The following MACF1 variants were observed in gnomAD, a reference collection of about 807,000 sequenced individuals.
MACF1 encodes microtubule actin crosslinking factor 1, also known as microtubule-actin cross-linking factor 1.
MACF1 carries 193 observed loss-of-function variants against 854.8 expected under a neutral mutation model. That is an observed-to-expected ratio of 0.23 (90% CI 0.20 to 0.25). The LOEUF is 0.25. Ranked by LOEUF, MACF1 falls within the 10% of genes least tolerant of loss-of-function variation. MACF1 has a pLI of 1.00. For synonymous variants in MACF1, 3,185 were observed against 3,226.7 expected (o/e 0.99, Z 0.44); for missense variants, 7,722 against 8,929.1 (o/e 0.86, Z 5.45).
chr1:39,483,829 C>A (rs1645058656), intron 99 of MACF1, among the ~76,000 whole-genome samples: 1 of 152,098 alleles, frequency 6.6e-6, no homozygotes, highest in Non-Finnish European at 1.5e-5. Context: ...ACTAAAAGAT[C>A]TTACTAAAGT....
At chr1:39,463,588 T>C in intron 93 of MACF1, 24 bp from the exon 94 acceptor site, 1 of 1,589,026 alleles carries the variant, frequency 6.3e-7, no homozygotes, top group Non-Finnish European at 8.6e-7. Context: ...CCTTTACACT[T>C]TCCTTTTTGT....
chr1:39,360,985 C>A lies in MACF1; in HGVS notation c.12437C>A (p.Ala4146Asp). The A allele has an allele frequency of 6.2e-7, 1 of 1,613,990 alleles. No individual in the cohort carries two copies. Among genetic ancestry groups the A allele is most frequent in the Non-Finnish European group, 8.5e-7 (1 of 1,179,928 alleles). The change falls in exon 48 of 101, where the codon GCC (alanine) becomes GAC (aspartate). Residue 4146 changes from alanine to aspartate, a missense_variant. Coordinates refer to ENST00000564288, the MANE Select transcript of MACF1 (RefSeq NM_001394062.1). ...SSLSSGVIQE[A>D]LATNMKLKQD... ...CTCTCATCAGGAGTCATCCAGGAAG[C>A]CTTAGCCACAAATATGGTAAGATCT...
intron 51 of MACF1, among the ~76,000 whole-genome samples, chr1:39,371,430 C>T (rs61779279): frequency 0.16 from 24,275 of 151,744 alleles, 2,434 homozygotes; most frequent in Middle Eastern, 0.23. Flanking sequence ...TTCTCTGCAG[C>T]TTAAAGTCAA....
At chr1:39,187,119 T>C (rs901716962) in intron 2 of MACF1, among the ~76,000 whole-genome samples, 3 of 152,172 alleles carry the variant, frequency 2.0e-5, no homozygotes. Context: ...TCACACGTTA[T>C]TGCCGTTATA....
At chr1:39,192,708 A>C (rs571450139) in intron 2 of MACF1, among the ~76,000 whole-genome samples, 47 of 152,368 alleles carry the variant, frequency 3.1e-4, no homozygotes, top group African/African-American at 8.9e-4. Context: ...TAGGCTCTCA[A>C]TAAGAGAAAC....
At position 39,347,126 on chromosome 1, in the gene MACF1, C is replaced by T; in HGVS notation, c.10731C>T (p.Phe3577=). ...LRLLNELQRS[F]QDILEQTAAQ... ...TTCTGAATGAACTGCAGAGGTCCTT[C>T]CAGGACATTTTGGAACAGACTGCCG... Residue 3577 remains phenylalanine (F), a synonymous_variant, in exon 41 of 101, where the codon TTC becomes TTT. Coordinates refer to ENST00000564288, the MANE Select transcript of MACF1 (RefSeq NM_001394062.1). 1 of 1,614,082 alleles carries T rather than the reference C, an allele frequency of 6.2e-7. No homozygotes were observed. Among genetic ancestry groups the T allele is most frequent in the Admixed American group, 1.7e-5 (1 of 60,022 alleles).
At chr1:39,427,324 A>G (rs973792770) in intron 61 of MACF1, 131 bp from the exon 62 acceptor site, 1 of 679,662 alleles carries the variant, frequency 1.5e-6, no homozygotes, top group African/African-American at 1.8e-5. Flanking sequence ...AATGCTACAT[A>G]ACGTGTGTTC....
intron 2 of MACF1, among the ~76,000 whole-genome samples, chr1:39,123,560 G>T (rs1215313991): frequency 2.0e-5 from 3 of 149,056 alleles, no homozygotes; most frequent in African/African-American, 4.9e-5. Flanking sequence ...TTTTCTTGAG[G>T]CAGAGTCTTA....
At chr1:39,292,077 G>A in intron 16 of MACF1, 39 bp downstream of exon 16, 1 of 1,608,664 alleles carries the variant, frequency 6.2e-7, no homozygotes, top group Non-Finnish European at 8.5e-7. Context: ...GGAGGGACGT[G>A]GTTGGAACGG....
intron 2 of MACF1, among the ~76,000 whole-genome samples, chr1:39,192,447 TGAG>T (rs1213196351): frequency 6.6e-6 from 1 of 152,208 alleles, no homozygotes; most frequent in Non-Finnish European, 1.5e-5. Flanking sequence ...ACGATCCTGT[TGAG>T]GCAGCCGTGA....
At chr1:39,268,338 T>C (rs968149293) in intron 6 of MACF1, 5 of 516,466 alleles carry the variant, frequency 9.7e-6, no homozygotes, top group Non-Finnish European at 1.0e-5. Context: ...GGTTTCTAGC[T>C]CCTTTTTGCT....
At chr1:39,394,481 G>A (rs892777650) in intron 58 of MACF1, among the ~76,000 whole-genome samples, 1 of 152,088 alleles carries the variant, frequency 6.6e-6, no homozygotes, top group Non-Finnish European at 1.5e-5. Context: ...AATTAGCTGG[G>A]CATGGTGGCA....
chr1:39,173,037 G>T (rs1206276353), intron 2 of MACF1, among the ~76,000 whole-genome samples: 3 of 149,574 alleles, frequency 2.0e-5, no homozygotes, highest in Non-Finnish European at 2.9e-5. Flanking sequence ...ACAAAACCCA[G>T]TGTGGAGTAG....
chr1:39,423,911 CT>C, intron 60 of MACF1, 116 bp from the exon 61 acceptor site: 1 of 834,026 alleles, frequency 1.2e-6, no homozygotes. Context: ...AAAAAAACTT[CT>C]TTTACTCAAT....
chr1:39,231,300 C>G lies in MACF1; in HGVS notation c.171+57C>G, dbSNP rs1209130504. On this transcript the variant is annotated intron_variant, in intron 2 of 100. Transcript: ENST00000564288. ...CACCTCTCACTGCTCTCATCTGGAT[C>G]TGTCATTCCTTCTTTCAGATGGTTT... 9 of 1,463,526 alleles carry G rather than the reference C, an allele frequency of 6.1e-6. No homozygotes were observed. In the African/African-American group the frequency reaches 7.0e-5, roughly 11 times the overall value. The allele number at this position is 1,463,526 out of a possible 1,614,324, so 90.7% of individuals were successfully genotyped here.
intron 6 of MACF1, among the ~76,000 whole-genome samples, chr1:39,264,010 T>A (rs1035806678): frequency 3.3e-5 from 5 of 152,104 alleles, no homozygotes; most frequent in African/African-American, 1.2e-4. Flanking sequence ...TCTGACCTCA[T>A]GATCCGCCCA....
chr1:39,365,298 G>A (rs572597403), intron 49 of MACF1, among the ~76,000 whole-genome samples: 21 of 152,084 alleles, frequency 1.4e-4, no homozygotes, highest in African/African-American at 4.6e-4. Context: ...GGATGGTCTC[G>A]ATCTGCTGAC....
At chr1:39,338,636 G>A (rs185524748) in intron 38 of MACF1, among the ~76,000 whole-genome samples, 41 of 152,308 alleles carry the variant, frequency 2.7e-4, no homozygotes, top group Admixed American at 1.6e-3. Flanking sequence ...GTAATTCAAA[G>A]TATCTCTTGA....
intron 44 of MACF1, among the ~76,000 whole-genome samples, chr1:39,355,360 A>C (rs957433554): frequency 1.3e-5 from 2 of 152,010 alleles, no homozygotes; most frequent in Non-Finnish European, 2.9e-5. Flanking sequence ...AGAATGAAGG[A>C]CACCTAGGTG....
Sources: gnomAD v4.1 joint callset for allele counts (sites outside exome capture counted in the v4.1 genomes callset) on GRCh38, gnomAD v4.1.1 for gene constraint, MANE v1.5 for transcripts, NCBI Gene and HGNC (gene_info 2026-07-23, HGNC 2026-07-21) for gene names.